L3MBTL3: variants seen among roughly 807,000 people sequenced by gnomAD.
L3MBTL3 encodes the protein L3MBTL histone methyl-lysine binding protein 3.
Under a neutral mutation model 102.3 loss-of-function variants are expected in L3MBTL3, and 27 were observed. That is an observed-to-expected ratio of 0.26 (90% CI 0.19 to 0.36). The LOEUF is 0.36. Among genes scored for constraint, L3MBTL3 ranks in the 10% least tolerant of loss-of-function variants. The probability of loss-of-function intolerance (pLI) is 1.00; values close to 1 mark genes in which losing one functional copy is unlikely to be tolerated. For synonymous variants in L3MBTL3, 340 were observed against 320.9 expected (o/e 1.06, Z -0.64); for missense variants, 798 against 955.3 (o/e 0.84, Z 2.17).
intron 16 of L3MBTL3, among the ~76,000 whole-genome samples, chr6:130,088,596 A>G (rs1783838481): frequency 6.6e-6 from 1 of 152,244 alleles, no homozygotes; most frequent in Non-Finnish European, 1.5e-5. Flanking sequence ...ACATTGAAGA[A>G]AAATGGCCTA....
At position 130,140,141 on chromosome 6, in the gene L3MBTL3, T is replaced by C. The variant is rs1788146802; in HGVS notation, c.*388T>C. The C allele has an allele frequency of 6.2e-6, 1 of 160,742 alleles. No individual in the cohort carries two copies. Among genetic ancestry groups the C allele is most frequent in the Non-Finnish European group, 1.4e-5 (1 of 73,666 alleles). 10.0% of individuals were successfully genotyped at this position (160,742 alleles called of 1,614,324 possible). ...GTACACTGTTTCTTTTTCAATACTTTCAGAAACCTTTTTATATAATCAAAT... is the reference window on the plus strand; with the variant it reads ...GTACACTGTTTCTTTTTCAATACTTCCAGAAACCTTTTTATATAATCAAAT... On this transcript the variant is annotated 3_prime_UTR_variant, in exon 23 of 23. Coordinates refer to ENST00000361794, the MANE Select transcript of L3MBTL3 (RefSeq NM_032438.4).
At position 130,031,855 on chromosome 6, in the gene L3MBTL3, ATAG is replaced by A. The variant is rs565230744; in HGVS notation, c.-16+9553_-16+9555del. ...AAAAATAAATATTACTATTATAGTA[ATAG>A]TAATACTAATTTTTACTAATAGTAA... On this transcript the variant is annotated intron_variant, in intron 2 of 22. Coordinates refer to ENST00000361794, the MANE Select transcript of L3MBTL3 (RefSeq NM_032438.4). Among the ~76,000 whole-genome samples, 14 of 152,158 alleles carry A rather than the reference ATAG, an allele frequency of 9.2e-5. No homozygotes were observed. The East Asian group carries it at 2.5e-3, about 27-fold the overall frequency.
intron 8 of L3MBTL3, among the ~76,000 whole-genome samples, chr6:130,055,712 C>T (rs1459980912): frequency 7.2e-6 from 1 of 138,228 alleles, no homozygotes; most frequent in East Asian, 2.4e-4. Context: ...CTCTCTCTCT[C>T]TCTCTCTGTT....
intron 15 of L3MBTL3, 45 bp from the exon 16 acceptor site, chr6:130,086,095 T>C (rs1783667396): frequency 7.9e-7 from 1 of 1,265,488 alleles, no homozygotes; most frequent in East Asian, 2.3e-5. Flanking sequence ...AAGTTTACCT[T>C]CTCTTCCTCT....
chr6:130,119,029 A>G (rs546869938), intron 19 of L3MBTL3, among the ~76,000 whole-genome samples: 2 of 152,338 alleles, frequency 1.3e-5, no homozygotes, highest in Admixed American at 1.3e-4. Context: ...CTTATTTTAA[A>G]GGAATAGTAT....
intron 3 of L3MBTL3, among the ~76,000 whole-genome samples, chr6:130,047,486 G>A (rs1057402520): frequency 1.3e-5 from 2 of 152,168 alleles, no homozygotes; most frequent in African/African-American, 4.8e-5. Flanking sequence ...TTGAAATGGA[G>A]GGTGGTTTGC....
At chr6:130,099,083 C>T (rs1480977006) in intron 18 of L3MBTL3, among the ~76,000 whole-genome samples, 1 of 151,918 alleles carries the variant, frequency 6.6e-6, no homozygotes, top group African/African-American at 2.4e-5. Context: ...TTCTACCACA[C>T]CTAATGAGCT....
intron 22 of L3MBTL3, among the ~76,000 whole-genome samples, chr6:130,139,343 A>G (rs1361132492): frequency 6.6e-6 from 1 of 152,212 alleles, no homozygotes; most frequent in African/African-American, 2.4e-5. Flanking sequence ...ACTAATTCAG[A>G]GTAATCACAG....
chr6:130,044,080 T>C (rs1780589610), intron 3 of L3MBTL3, among the ~76,000 whole-genome samples: 1 of 152,218 alleles, frequency 6.6e-6, no homozygotes, highest in South Asian at 2.1e-4. Flanking sequence ...CTGGATAAGA[T>C]ATGACAGAGA....
intron 8 of L3MBTL3, among the ~76,000 whole-genome samples, chr6:130,055,623 T>TCTCC (rs1293887772): frequency 4.7e-5 from 4 of 85,564 alleles, no homozygotes; most frequent in African/African-American, 1.3e-4. Flanking sequence ...CCTCTCCCTG[T>TCTCC]CTCCCTCCCT....
Position 130,139,684 on chromosome 6 carries a change from T to A in L3MBTL3, c.2274T>A (p.Pro758=), listed in dbSNP as rs747260645. 1.3e-6 allele frequency: 2 copies of A among 1,587,576 alleles called. No individual in the cohort carries two copies. Among genetic ancestry groups the A allele is most frequent in the African/African-American group, 2.7e-5 (2 of 74,502 alleles). ...AAATTATGAGCATTAAACTGGGCCC[T>A]GCTCTCAAAATTTTCAATTCCATCC... ...IVKIMSIKLG[P]ALKIFNSILM... Residue 758 remains proline (P), a synonymous_variant, in exon 23 of 23, where the codon CCT becomes CCA. Coordinates refer to ENST00000361794, the MANE Select transcript of L3MBTL3 (RefSeq NM_032438.4).
In L3MBTL3 at chr6:130,140,699, T is replaced by C. The variant is rs1296539691; in HGVS notation, c.*946T>C. 6.6e-6 allele frequency: 1 copy of C among 152,242 alleles called. No individual in the cohort carries two copies. The highest frequency in any genetic ancestry group is 2.4e-5 in the African/African-American group (1 of 41,462). 9.4% of individuals were successfully genotyped at this position (152,242 alleles called of 1,614,324 possible). On this transcript the variant is annotated 3_prime_UTR_variant, in exon 23 of 23. Transcript: ENST00000361794. ...TGGTTTACAGAGACTAAGAGCTCAT[T>C]CTGTCAACAGAAACACTAATCTGTA...
At chr6:130,056,383 C>T (rs965429485) in intron 8 of L3MBTL3, among the ~76,000 whole-genome samples, 1 of 152,188 alleles carries the variant, frequency 6.6e-6, no homozygotes, top group Non-Finnish European at 1.5e-5. Context: ...GGGGGATGTC[C>T]CCCACAAGGC....
chr6:130,117,122 C>G (rs1268454461), intron 19 of L3MBTL3, among the ~76,000 whole-genome samples: 1 of 82,784 alleles, frequency 1.2e-5, no homozygotes, highest in East Asian at 4.1e-4. Flanking sequence ...TCCCTCCCCC[C>G]TCCCCCCACC....
At chr6:130,078,404 A>G (rs1241970214) in intron 13 of L3MBTL3, among the ~76,000 whole-genome samples, 154 bp from the exon 14 acceptor site, 1 of 152,184 alleles carries the variant, frequency 6.6e-6, no homozygotes, top group Admixed American at 6.6e-5. Context: ...TATATTAAAA[A>G]GTTCTTTGGT....
intron 18 of L3MBTL3, among the ~76,000 whole-genome samples, chr6:130,095,913 A>G (rs1040549810): frequency 2.6e-5 from 4 of 152,214 alleles, no homozygotes; most frequent in African/African-American, 4.8e-5. Context: ...CACAGTGGCA[A>G]TCAGATTTCA....
At chr6:130,131,036 T>C (rs1299193907) in intron 20 of L3MBTL3, among the ~76,000 whole-genome samples, 3 of 152,148 alleles carry the variant, frequency 2.0e-5, no homozygotes, top group African/African-American at 7.2e-5. Flanking sequence ...TAACAAAAGA[T>C]GTGCAAGATC....
chr6:130,124,742 G>A (rs905412504), intron 20 of L3MBTL3, among the ~76,000 whole-genome samples: 4 of 152,110 alleles, frequency 2.6e-5, no homozygotes, highest in Admixed American at 6.5e-5. Flanking sequence ...AGGCCGAGGC[G>A]GGTGGATCAC....
chr6:130,102,765 C>T (rs1784774583), intron 18 of L3MBTL3, among the ~76,000 whole-genome samples: 1 of 152,230 alleles, frequency 6.6e-6, no homozygotes, highest in Non-Finnish European at 1.5e-5. Flanking sequence ...TACAGCTCTG[C>T]TCGGGTGCTT....
Sources: gnomAD v4.1 joint callset for allele counts (sites outside exome capture counted in the v4.1 genomes callset) on GRCh38, gnomAD v4.1.1 for gene constraint, MANE v1.5 for transcripts, NCBI Gene and HGNC (gene_info 2026-07-23, HGNC 2026-07-21) for gene names.